Variants in CCDC183 observed in about 807,000 individuals in gnomAD.
CCDC183 encodes the protein coiled-coil domain containing 183.
CCDC183 carries 63 observed loss-of-function variants against 65.2 expected under a neutral mutation model. That is an observed-to-expected ratio of 0.97 (90% CI 0.79 to 1.19). CCDC183 has a LOEUF of 1.19. CCDC183 is among the 50% of genes most tolerant of loss of function. The pLI, the probability that CCDC183 is intolerant of heterozygous loss-of-function variation, is 0.00. For missense variants in CCDC183, 769 were observed against 689.3 expected (o/e 1.12, Z -1.30); for synonymous variants, 323 against 276.5 (o/e 1.17, Z -1.67).
chr9:136,801,346 TCGC>T (rs906505386), intron 5 of CCDC183, among the ~76,000 whole-genome samples: 2 of 151,480 alleles, frequency 1.3e-5, no homozygotes, highest in South Asian at 2.1e-4. Context: ...TGCCCCTCCT[TCGC>T]CTGGGTGCTT....
At chr9:136,805,058 G>A (rs1165883632) in intron 8 of CCDC183, 5 of 596,514 alleles carry the variant, frequency 8.4e-6, no homozygotes, top group Non-Finnish European at 1.5e-5. Context: ...CAGTGACTCT[G>A]CAGAGGATGA....
At chr9:136,802,567 C>A in intron 5 of CCDC183, 97 bp from the exon 6 acceptor site, 1 of 1,501,722 alleles carries the variant, frequency 6.7e-7, no homozygotes, top group South Asian at 1.3e-5. Context: ...CAGAGGAGAA[C>A]CTATCACTGT....
At chr9:136,807,376 G>A (rs945245126) in intron 13 of CCDC183, 196 bp from the exon 14 acceptor site, 10 of 746,974 alleles carry the variant, frequency 1.3e-5, no homozygotes, top group Admixed American at 1.2e-4. Flanking sequence ...CTTCCACTGG[G>A]GGTTCTGCGG....
chr9:136,799,866 C>T (rs1236445303), intron 3 of CCDC183, 76 bp downstream of exon 3: 15 of 1,511,172 alleles, frequency 9.9e-6, no homozygotes, highest in Non-Finnish European at 1.4e-5. Flanking sequence ...TGTTGCGGAG[C>T]CGACGAGGGA....
At chr9:136,803,991 C>G (rs1474940291) in intron 6 of CCDC183, 1 of 165,556 alleles carries the variant, frequency 6.0e-6, no homozygotes, top group Non-Finnish European at 1.3e-5. Context: ...CGCTGATCAC[C>G]TGGGTATACC....
chr9:136,796,695 A>T (rs1847653844), intron 1 of CCDC183, among the ~76,000 whole-genome samples: 1 of 152,236 alleles, frequency 6.6e-6, no homozygotes. Context: ...TGCTGTATTG[A>T]ATCAAAGATT....
intron 5 of CCDC183, 127 bp from the exon 6 acceptor site, chr9:136,802,537 G>C (rs1483099121): frequency 1.5e-6 from 2 of 1,324,426 alleles, no homozygotes; most frequent in Non-Finnish European, 2.1e-6. Flanking sequence ...AGCGGGGAGT[G>C]GGGGAGGTGG....
At chr9:136,799,341 G>C in intron 2 of CCDC183, 118 bp downstream of exon 2, 2 of 1,417,886 alleles carry the variant, frequency 1.4e-6, no homozygotes, top group Non-Finnish European at 1.9e-6. Flanking sequence ...GGATCCAGGG[G>C]GCATGTGAGG....
chr9:136,806,385 C>G, intron 10 of CCDC183, 119 bp from the exon 11 acceptor site: 1 of 1,433,162 alleles, frequency 7.0e-7, no homozygotes, highest in Non-Finnish European at 9.6e-7. Flanking sequence ...TTGCACACAC[C>G]TGAGCTTCTG....
chr9:136,807,528 T>C (rs748042151), intron 13 of CCDC183, 44 bp from the exon 14 acceptor site: 2 of 1,512,990 alleles, frequency 1.3e-6, no homozygotes, highest in Admixed American at 2.1e-5. Context: ...CGGCTGCGCC[T>C]AGCTGGGCTA....
At position 136,804,261 on chromosome 9, in the gene CCDC183, G is replaced by T. The variant is rs1305543677; in HGVS notation, c.667-241G>T. On this transcript the variant is annotated intron_variant, in intron 6 of 13. Coordinates refer to ENST00000338005, the MANE Select transcript of CCDC183 (RefSeq NM_001039374.5). The surrounding 1 kb of genome is among the most constrained non-coding windows in gnomAD (Gnocchi z 4.1). ...GGACCTGGCCAGGAGGCAGCTGGGG[G>T]CCAGCGGCTGGAGGGCAGCAGAGCG... 1.6e-5 allele frequency: 8 copies of T among 512,112 alleles called. No individual in the cohort carries two copies. Among genetic ancestry groups the T allele is most frequent in the East Asian group, 1.4e-4 (4 of 27,862 alleles). 31.7% of individuals were successfully genotyped at this position (512,112 alleles called of 1,614,324 possible).
At chr9:136,807,309 G>A in intron 13 of CCDC183, 1 of 644,722 alleles carries the variant, frequency 1.6e-6, no homozygotes, top group Admixed American at 2.9e-5. Flanking sequence ...AGACGGGCCC[G>A]GAGGAGAGGC....
At chr9:136,807,476 T>C (rs1467395876) in intron 13 of CCDC183, 96 bp from the exon 14 acceptor site, 6 of 1,425,400 alleles carry the variant, frequency 4.2e-6, no homozygotes, top group Non-Finnish European at 5.6e-6. Flanking sequence ...GCAAGGCACC[T>C]GGCCCGGGTC....
At chr9:136,802,158 GC>G (rs1847745479) in intron 5 of CCDC183, among the ~76,000 whole-genome samples, 1 of 152,148 alleles carries the variant, frequency 6.6e-6, no homozygotes, top group African/African-American at 2.4e-5. Context: ...CTGGTTCTGG[GC>G]TAAATAATTC....
At chr9:136,807,276 G>C in intron 13 of CCDC183, 1 of 642,070 alleles carries the variant, frequency 1.6e-6, no homozygotes, top group Non-Finnish European at 2.7e-6. Context: ...TAATTTCTCC[G>C]AAAGGAGGAG....
At chr9:136,802,562 G>C (rs552299105) in intron 5 of CCDC183, 102 bp from the exon 6 acceptor site, 1 of 1,483,708 alleles carries the variant, frequency 6.7e-7, no homozygotes, top group South Asian at 1.4e-5. Flanking sequence ...GGCCACAGAG[G>C]AGAACCTATC....
At chr9:136,799,007 G>C (rs1588329786) in intron 1 of CCDC183, 95 bp from the exon 2 acceptor site, 2 of 925,668 alleles carry the variant, frequency 2.2e-6, no homozygotes, top group South Asian at 4.2e-5. Context: ...GGACCCTGGG[G>C]CCTGGGGCCT....
At chr9:136,799,323 A>G (rs991205590) in intron 2 of CCDC183, 100 bp downstream of exon 2, 4 of 1,441,156 alleles carry the variant, frequency 2.8e-6, no homozygotes, top group Non-Finnish European at 3.7e-6. Flanking sequence ...CCCCACCCCA[A>G]TCTTTCTGGA....
chr9:136,805,537 C>T (rs1847828655), intron 9 of CCDC183, 80 bp downstream of exon 9: 21 of 1,287,054 alleles, frequency 1.6e-5, no homozygotes, highest in South Asian at 8.8e-5. Context: ...CTGGCACTCC[C>T]GGAGCATGGC....
Sources: gnomAD v4.1 joint callset for allele counts (sites outside exome capture counted in the v4.1 genomes callset) on GRCh38, gnomAD v4.1.1 for gene constraint, Gnocchi (gnomAD v3.1) non-coding constraint, MANE v1.5 for transcripts, NCBI Gene and HGNC (gene_info 2026-07-23, HGNC 2026-07-21) for gene names.